Variants in LRRC51 observed in about 807,000 individuals in gnomAD.
LRRC51 encodes the protein leucine-rich repeat-containing protein 51.
Under a neutral mutation model 17.8 loss-of-function variants are expected in LRRC51, and 8 were observed. The observed-to-expected ratio is 0.45, with a 90% CI of 0.26 to 0.81. The LOEUF (loss-of-function observed/expected upper bound fraction) is 0.81. Among genes scored for constraint, LRRC51 ranks in the 30% least tolerant of loss-of-function variants. LRRC51 has a pLI of 0.17. For synonymous variants in LRRC51, 92 were observed against 96.0 expected (o/e 0.96, Z 0.24); for missense variants, 233 against 239.3 (o/e 0.97, Z 0.17).
At chr11:72,084,328 T>C (rs1944406822) in intron 1 of LRRC51, among the ~76,000 whole-genome samples, 1 of 152,184 alleles carries the variant, frequency 6.6e-6, no homozygotes, top group South Asian at 2.1e-4. Context: ...AGGGCAGGAA[T>C]AGGCTAGCAA....
rs150245488 is a variant in LRRC51, at chr11:72,095,469, A to G, written c.528A>G (p.Lys176=). The change falls in exon 6 of 6, where the codon AAA becomes AAG. Residue 176 remains lysine (K), a synonymous_variant. Transcript: ENST00000289488. ...ACCGCACCACAGCTGAAGTCTGGAAACGCATGAACATCAAGCCCAAGAAGG... is the reference window on the plus strand; with the variant it reads ...ACCGCACCACAGCTGAAGTCTGGAAGCGCATGAACATCAAGCCCAAGAAGG... ...KADRTTAEVW[K]RMNIKPKKAW... The G allele has an allele frequency of 7.0e-4, 1,128 of 1,614,160 alleles. 6 individuals are homozygous for G. In the African/African-American group the frequency reaches 0.014, roughly 20 times the overall value.
At chr11:72,087,816 T>C (rs925145249) in intron 1 of LRRC51, among the ~76,000 whole-genome samples, 5 of 152,254 alleles carry the variant, frequency 3.3e-5, no homozygotes, top group African/African-American at 1.2e-4. Flanking sequence ...AATTAAGTTA[T>C]TAAAATTAAT....
At chr11:72,086,317 G>A (rs1591136739) in intron 1 of LRRC51, 1 of 677,550 alleles carries the variant, frequency 1.5e-6, no homozygotes, top group South Asian at 1.6e-5. Context: ...CTCATGACAG[G>A]GTTCTATTAT....
intron 1 of LRRC51, among the ~76,000 whole-genome samples, chr11:72,085,234 G>GT (rs1413753684): frequency 3.3e-5 from 5 of 152,314 alleles, no homozygotes; most frequent in Admixed American, 2.6e-4. Flanking sequence ...AGCCACAGGA[G>GT]TAAGCATGGC....
chr11:72,090,485 ATGTG>A (rs112818423), intron 3 of LRRC51, among the ~76,000 whole-genome samples: 11 of 151,308 alleles, frequency 7.3e-5, no homozygotes, highest in African/African-American at 2.2e-4. Context: ...GCATTTATAT[ATGTG>A]TGTGTGTGTG....
chr11:72,094,873 CCCA>C lies in LRRC51; in HGVS notation c.289-73_289-71del, dbSNP rs1945087145. On this transcript the variant is annotated intron_variant, in intron 4 of 5. Transcript: ENST00000289488. Reference sequence around the variant, plus strand: ...TGTTCCCCACATTCTTCCTTCTCTGCCCACGAGTCAGCCCTGAGCAGAGATTCA... The same window carrying C: ...TGTTCCCCACATTCTTCCTTCTCTGCCGAGTCAGCCCTGAGCAGAGATTCA... 27 of 1,614,014 alleles carry C rather than the reference CCCA, an allele frequency of 1.7e-5. 1 individual carries two copies. Among genetic ancestry groups the C allele is most frequent in the Middle Eastern group, 1.6e-4 (1 of 6,084 alleles).
chr11:72,090,516 G>A (rs561583561), intron 3 of LRRC51, among the ~76,000 whole-genome samples: 2 of 152,222 alleles, frequency 1.3e-5, no homozygotes, highest in South Asian at 2.1e-4. Flanking sequence ...ATATGTATAT[G>A]CCAGGTATTG....
At chr11:72,090,077 GC>G (rs1944767508) in intron 3 of LRRC51, among the ~76,000 whole-genome samples, 1 of 152,208 alleles carries the variant, frequency 6.6e-6, no homozygotes, top group African/African-American at 2.4e-5. Flanking sequence ...CTGGCAAATA[GC>G]ACCAGTCTTA....
At chr11:72,087,957 AT>A (rs1388678281) in intron 1 of LRRC51, among the ~76,000 whole-genome samples, 6 of 152,186 alleles carry the variant, frequency 3.9e-5, no homozygotes, top group Non-Finnish European at 7.3e-5. Context: ...CTGTGTTATT[AT>A]TGTAAACCTG....
rs1021834592 is a variant in LRRC51 at position 72,089,171 on chromosome 11, C to T, written c.82+6C>T. The T allele has an allele frequency of 1.9e-6, 3 of 1,613,972 alleles. No homozygotes were observed. Among genetic ancestry groups the T allele is most frequent in the Non-Finnish European group, 1.7e-6 (2 of 1,180,000 alleles). On this transcript the variant is annotated splice_donor_region_variant and intron_variant, in intron 3 of 5. Transcript: ENST00000289488. ...AAGCATCCACGTCATTCAAGGTCAG[C>T]CCCCAGAGCACAGTACTCCACTCAC...
At chr11:72,094,874 CCA>C in intron 4 of LRRC51, 72 bp from the exon 5 acceptor site, 1 of 1,614,054 alleles carries the variant, frequency 6.2e-7, no homozygotes, top group East Asian at 2.2e-5. Flanking sequence ...CCTTCTCTGC[CCA>C]CGAGTCAGCC....
chr11:72,090,763 A>G (rs1944811423), intron 3 of LRRC51, among the ~76,000 whole-genome samples: 2 of 152,302 alleles, frequency 1.3e-5, no homozygotes, highest in Non-Finnish European at 1.5e-5. Context: ...ACTTTTCACA[A>G]ACCTAGAGTG....
At chr11:72,086,183 A>G in intron 1 of LRRC51, 1 of 532,994 alleles carries the variant, frequency 1.9e-6, no homozygotes. Flanking sequence ...GCTTTATAGA[A>G]GAGGCTACAC....
At chr11:72,090,485 ATG>A (rs112818423) in intron 3 of LRRC51, among the ~76,000 whole-genome samples, 13 of 151,280 alleles carry the variant, frequency 8.6e-5, no homozygotes, top group Admixed American at 4.0e-4. Context: ...GCATTTATAT[ATG>A]TGTGTGTGTG....
At chr11:72,082,216 A>G (rs576466986) in intron 1 of LRRC51, among the ~76,000 whole-genome samples, 1 of 152,338 alleles carries the variant, frequency 6.6e-6, no homozygotes, top group East Asian at 1.9e-4. Context: ...AGACTTGAAC[A>G]TTTTTAACTA....
intron 3 of LRRC51, among the ~76,000 whole-genome samples, chr11:72,092,195 C>CTCA (rs1187384924): frequency 6.6e-6 from 1 of 152,158 alleles, no homozygotes; most frequent in Admixed American, 6.6e-5. Flanking sequence ...GCTAATGATT[C>CTCA]TCAAGTCTGT....
In LRRC51 at chr11:72,096,406, T is replaced by C. The variant is rs1229731303; in HGVS notation, c.*886T>C. The C allele has an allele frequency of 3.8e-5, 18 of 477,098 alleles. No individual in the cohort carries two copies. The highest frequency in any genetic ancestry group is 3.0e-4 in the Admixed American group (5 of 16,854). 29.6% of individuals were successfully genotyped at this position (477,098 alleles called of 1,614,324 possible). On this transcript the variant is annotated 3_prime_UTR_variant, in exon 6 of 6. Coordinates refer to ENST00000289488, the MANE Select transcript of LRRC51 (RefSeq NM_145309.6). ...GCGTGAGCCACCACGCCCAGCCTTTTTTTGTATTTTTAGTAGAGATGGGGT... is the reference window on the plus strand; with the variant it reads ...GCGTGAGCCACCACGCCCAGCCTTTCTTTGTATTTTTAGTAGAGATGGGGT...
In LRRC51 at chr11:72,096,568, G is replaced by T; in HGVS notation, c.*1048G>T. The T allele has an allele frequency of 7.3e-7, 1 of 1,371,922 alleles. No individual in the cohort carries two copies. The allele number at this position is 1,371,922 out of a possible 1,614,324, so 85.0% of individuals were successfully genotyped here. A position where few individuals can be genotyped will look rare whatever the true frequency, so the allele number is the denominator to read the frequency against. ...AGTCTTATTTTGCTGAAAAAGGGAGGCAATTGAGGGAAAGGCCTGCTGGCC... is the reference window on the plus strand; with the variant it reads ...AGTCTTATTTTGCTGAAAAAGGGAGTCAATTGAGGGAAAGGCCTGCTGGCC... On this transcript the variant is annotated 3_prime_UTR_variant, in exon 6 of 6. Coordinates refer to ENST00000289488, the MANE Select transcript of LRRC51 (RefSeq NM_145309.6).
At chr11:72,090,692 C>A (rs535281387) in intron 3 of LRRC51, among the ~76,000 whole-genome samples, 1 of 152,298 alleles carries the variant, frequency 6.6e-6, no homozygotes, top group Middle Eastern at 3.4e-3. Context: ...ATTACAGAAT[C>A]TGAAACGGCA....
Sources: allele counts gnomAD v4.1 joint callset (sites outside exome capture counted in the v4.1 genomes callset), GRCh38; gene constraint gnomAD v4.1.1; transcripts MANE v1.5; gene names NCBI Gene and HGNC (gene_info 2026-07-23, HGNC 2026-07-21).